Variants in CTTNBP2 observed in about 807,000 individuals in gnomAD.
CTTNBP2 encodes the protein cortactin-binding protein 2.
Under a neutral mutation model 156.9 loss-of-function variants are expected in CTTNBP2, and 108 were observed. The ratio of observed to expected loss-of-function variants is 0.69; its 90% CI spans 0.59 to 0.81. CTTNBP2 has a LOEUF of 0.81. Ranked by LOEUF, CTTNBP2 falls within the 30% of genes least tolerant of loss-of-function variation. The pLI, the probability that CTTNBP2 is intolerant of heterozygous loss-of-function variation, is 0.00. For missense variants in CTTNBP2, 1,924 were observed against 2,035.4 expected (o/e 0.95, Z 1.05); for synonymous variants, 767 against 751.8 (o/e 1.02, Z -0.33).
At chr7:117,739,496 G>T (rs1338165747) in intron 14 of CTTNBP2, among the ~76,000 whole-genome samples, 1 of 152,158 alleles carries the variant, frequency 6.6e-6, no homozygotes, top group African/African-American at 2.4e-5. Flanking sequence ...TCTCCTGCAG[G>T]TTGGTAATTT....
At chr7:117,765,329 C>A (rs978150755) in intron 9 of CTTNBP2, among the ~76,000 whole-genome samples, 1 of 152,182 alleles carries the variant, frequency 6.6e-6, no homozygotes, top group Non-Finnish European at 1.5e-5. Context: ...GTCTTTTTTA[C>A]TTCTCTCAGA....
intron 2 of CTTNBP2, among the ~76,000 whole-genome samples, chr7:117,854,188 CTTAAA>C (rs1283596321): frequency 1.3e-5 from 2 of 152,154 alleles, no homozygotes; most frequent in African/African-American, 2.4e-5. Context: ...GGAAAGGAAA[CTTAAA>C]TTAATTTTTG....
intron 2 of CTTNBP2, among the ~76,000 whole-genome samples, chr7:117,854,861 T>C (rs1803184132): frequency 6.6e-6 from 1 of 152,188 alleles, no homozygotes; most frequent in Non-Finnish European, 1.5e-5. Flanking sequence ...CTTGGTTCAC[T>C]GCAACCTCCG....
intron 5 of CTTNBP2, among the ~76,000 whole-genome samples, chr7:117,783,475 G>A (rs34700268): frequency 0.011 from 1,670 of 152,258 alleles, 32 homozygotes; most frequent in African/African-American, 0.037. Flanking sequence ...ACAGCCCATC[G>A]AAAGTCACCT....
chr7:117,724,618 T>G lies in CTTNBP2; in HGVS notation c.4376A>C (p.Asn1459Thr). The change falls in exon 19 of 23, where the codon AAC becomes ACC. Residue 1459 changes from asparagine (N) to threonine (T), a missense_variant. Coordinates refer to ENST00000160373, the MANE Select transcript of CTTNBP2 (RefSeq NM_033427.3). ...GCCAGACTTCCTGCGAGGACTGGTG[T>G]TCACCTTTCTCCAGGCACCACTCTC... is the stretch of plus-strand genomic sequence containing the variant. ...KGESGAWRKV[N>T]TSPRRKSGRF... The G allele has an allele frequency of 1.2e-6, 2 of 1,614,170 alleles. No individual in the cohort carries two copies. Among genetic ancestry groups the G allele is most frequent in the Non-Finnish European group, 1.7e-6 (2 of 1,180,024 alleles).
chr7:117,743,159 T>C (rs926331841), intron 14 of CTTNBP2, among the ~76,000 whole-genome samples: 2 of 152,216 alleles, frequency 1.3e-5, no homozygotes, highest in Non-Finnish European at 2.9e-5. Flanking sequence ...TTGGTCACCT[T>C]TGCATCCTTC....
intron 2 of CTTNBP2, among the ~76,000 whole-genome samples, chr7:117,858,315 A>C (rs1235346343): frequency 6.6e-6 from 1 of 152,216 alleles, no homozygotes; most frequent in Non-Finnish European, 1.5e-5. Context: ...GCTTGCAGTG[A>C]GCCGAGATCG....
At chr7:117,872,598 C>A (rs1170761189) in intron 1 of CTTNBP2, among the ~76,000 whole-genome samples, 1 of 152,190 alleles carries the variant, frequency 6.6e-6, no homozygotes, top group East Asian at 1.9e-4. Context: ...GCGCATTCGG[C>A]CTCTAGACTC....
At chr7:117,716,721 G>C (rs1460527295) in intron 22 of CTTNBP2, among the ~76,000 whole-genome samples, 1 of 152,110 alleles carries the variant, frequency 6.6e-6, no homozygotes, top group East Asian at 1.9e-4. Context: ...TTCTTCACAG[G>C]ACATCATGTT....
intron 5 of CTTNBP2, among the ~76,000 whole-genome samples, chr7:117,783,385 T>C (rs1465173367): frequency 1.3e-5 from 2 of 152,222 alleles, no homozygotes; most frequent in Non-Finnish European, 2.9e-5. Context: ...AAATTATTAC[T>C]TTATGATGTT....
At chr7:117,851,220 T>G (rs997564097) in intron 2 of CTTNBP2, among the ~76,000 whole-genome samples, 2 of 150,828 alleles carry the variant, frequency 1.3e-5, no homozygotes, top group African/African-American at 4.9e-5. Flanking sequence ...TTGAGCAACA[T>G]AGCAAGACCC....
rs535489204 is a variant in CTTNBP2, at chr7:117,758,030, G to C, written c.3173-60C>G. ...AGCTTATGAGTGGTTTTTCTCACAA[G>C]GGTAAACATATGCTCTCTTCTGTGA... On this transcript the variant is annotated intron_variant, in intron 10 of 22. Coordinates refer to ENST00000160373, the MANE Select transcript of CTTNBP2 (RefSeq NM_033427.3). The C allele has an allele frequency of 1.3e-5, 16 of 1,238,110 alleles. No individual in the cohort carries two copies. The South Asian group carries it at 2.1e-4, about 16-fold the overall frequency. 76.7% of individuals were successfully genotyped at this position (1,238,110 alleles called of 1,614,324 possible).
chr7:117,803,508 C>T (rs1799750279), intron 3 of CTTNBP2, among the ~76,000 whole-genome samples: 1 of 152,154 alleles, frequency 6.6e-6, no homozygotes, highest in South Asian at 2.1e-4. Context: ...TGAACCTGCA[C>T]ATGTTCCACC....
In CTTNBP2 at chr7:117,823,746, T is replaced by G. The variant is rs142841179; in HGVS notation, c.190-12757A>C. Among the ~76,000 whole-genome samples the G allele has an allele frequency of 7.4e-3, 1,127 of 152,296 alleles. 8 individuals are homozygous for G. Among genetic ancestry groups the G allele is most frequent in the Non-Finnish European group, 0.013 (856 of 68,014 alleles). On this transcript the variant is annotated intron_variant, in intron 2 of 22. Coordinates refer to ENST00000160373, the MANE Select transcript of CTTNBP2 (RefSeq NM_033427.3). ...CAGGGTCTTGCTCTGTCACCCAGGC[T>G]GGAGTGCAATCATGTCTCACTGCAG...
rs186476724 is a variant in CTTNBP2, at chr7:117,821,887, G to C, written c.190-10898C>G. On this transcript the variant is annotated intron_variant, in intron 2 of 22. Coordinates refer to ENST00000160373, the MANE Select transcript of CTTNBP2 (RefSeq NM_033427.3). ...TTACAGGCGTGAGCCACCGCGCCTG[G>C]CCTGTTTAGGATTTTTTACATCTAT... Among the ~76,000 whole-genome samples the C allele has an allele frequency of 1.7e-3, 255 of 152,128 alleles. 3 individuals carry two copies. In the East Asian group the frequency reaches 0.029, roughly 18 times the overall value.
At chr7:117,719,483 C>T in intron 21 of CTTNBP2, 21 bp downstream of exon 21, 1 of 1,596,320 alleles carries the variant, frequency 6.3e-7, no homozygotes, top group Non-Finnish European at 8.6e-7. Flanking sequence ...CCATTCAATG[C>T]CCCCCATTTG....
In CTTNBP2 at chr7:117,873,291, C is replaced by T. The variant is rs568338547; in HGVS notation, c.81+44G>A. 17 of 1,324,422 alleles carry T rather than the reference C, an allele frequency of 1.3e-5. No individual in the cohort carries two copies. In the East Asian group the frequency reaches 5.0e-4, roughly 39 times the overall value. The allele number at this position is 1,324,422 out of a possible 1,614,324, so 82.0% of individuals were successfully genotyped here. On this transcript the variant is annotated intron_variant, in intron 1 of 22. Transcript: ENST00000160373. Reference sequence around the variant, plus strand: ...CTGGGACCCCGGCGCCGCCCCCGGCCCGCGTCTACACTAGCCCCGCGCCCG... The same window carrying T: ...CTGGGACCCCGGCGCCGCCCCCGGCTCGCGTCTACACTAGCCCCGCGCCCG...
intron 3 of CTTNBP2, among the ~76,000 whole-genome samples, chr7:117,800,374 AC>A (rs1799544631): frequency 1.3e-5 from 2 of 151,862 alleles, no homozygotes. Flanking sequence ...TACTGCAGGA[AC>A]CTTTTTATGT....
At chr7:117,787,288 C>T (rs984730101) in intron 4 of CTTNBP2, among the ~76,000 whole-genome samples, 4 of 152,132 alleles carry the variant, frequency 2.6e-5, no homozygotes, top group South Asian at 4.1e-4. Flanking sequence ...CAGTGTCATA[C>T]GCAAACATTA....
Sources: allele counts gnomAD v4.1 joint callset (sites outside exome capture counted in the v4.1 genomes callset), GRCh38; gene constraint gnomAD v4.1.1; transcripts MANE v1.5; gene names NCBI Gene and HGNC (gene_info 2026-07-23, HGNC 2026-07-21).